RCL1: variants seen among roughly 807,000 people sequenced by gnomAD.
RCL1 encodes the protein RNA 3'-terminal phosphate cyclase-like protein.
In RCL1, 24 loss-of-function variants were observed where a neutral mutation model predicts 42.4. The observed-to-expected ratio is 0.57, with a 90% CI of 0.41 to 0.80. RCL1 has a LOEUF of 0.80. Among genes scored for constraint, RCL1 ranks in the 30% least tolerant of loss-of-function variants. The probability of loss-of-function intolerance (pLI) is 0.00; values close to 1 mark genes in which losing one functional copy is unlikely to be tolerated. For synonymous variants in RCL1, 228 were observed against 177.3 expected (o/e 1.29, Z -2.27); for missense variants, 578 against 467.9 (o/e 1.24, Z -2.17).
intron 1 of RCL1, among the ~76,000 whole-genome samples, chr9:4,798,219 T>C (rs1196121977): frequency 2.0e-5 from 3 of 152,226 alleles, no homozygotes; most frequent in Non-Finnish European, 4.4e-5. Flanking sequence ...CCAAAGTGCC[T>C]CTATCTCTGG....
At chr9:4,842,057 C>A (rs1219515933) in intron 6 of RCL1, among the ~76,000 whole-genome samples, 2 of 152,212 alleles carry the variant, frequency 1.3e-5, no homozygotes, top group African/African-American at 2.4e-5. Flanking sequence ...CGGAGATATA[C>A]TCCTGCTGCC....
chr9:4,805,271 C>T (rs1271271664), intron 1 of RCL1, among the ~76,000 whole-genome samples: 1 of 152,042 alleles, frequency 6.6e-6, no homozygotes, highest in Non-Finnish European at 1.5e-5. Flanking sequence ...ACCTGTAGTC[C>T]CAGCTACTTG....
chr9:4,838,004 A>G (rs1317905749), intron 5 of RCL1, among the ~76,000 whole-genome samples: 1 of 152,142 alleles, frequency 6.6e-6, no homozygotes, highest in African/African-American at 2.4e-5. Flanking sequence ...CATTTCACAA[A>G]CACCTCAAAG....
intron 5 of RCL1, among the ~76,000 whole-genome samples, chr9:4,837,364 T>C (rs1817175170): frequency 6.6e-6 from 1 of 152,180 alleles, no homozygotes; most frequent in Non-Finnish European, 1.5e-5. Flanking sequence ...GTAATAAGTG[T>C]ATAGGAATAC....
At chr9:4,846,276 T>C (rs1434207595) in intron 7 of RCL1, among the ~76,000 whole-genome samples, 1 of 152,138 alleles carries the variant, frequency 6.6e-6, no homozygotes, top group Non-Finnish European at 1.5e-5. Context: ...TGGAAGACAG[T>C]GGACCTATAG....
chr9:4,857,931 C>CTT (rs34470773), intron 8 of RCL1, among the ~76,000 whole-genome samples: 2 of 103,048 alleles, frequency 1.9e-5, no homozygotes, highest in Non-Finnish European at 3.6e-5. Context: ...AGCTCTCCCA[C>CTT]TTTTTTTTTT....
chr9:4,793,178 C>A lies in RCL1; in HGVS notation c.87C>A (p.Pro29=), dbSNP rs144839975. Reference sequence around the variant, plus strand: ...TCCTGTCTACCCTGAGCGGGCGCCCCGTCAAAATCCGAAAGATTCGGGCCA... The same window carrying A: ...TCCTGTCTACCCTGAGCGGGCGCCCAGTCAAAATCCGAAAGATTCGGGCCA... The part of the protein sequence containing the change: ...RLVLSTLSGR[P]VKIRKIRARD... The change falls in exon 1 of 9, where the codon CCC becomes CCA. Residue 29 remains proline, a synonymous_variant. Transcript: ENST00000381750. The A allele has an allele frequency of 1.8e-4, 293 of 1,610,532 alleles. 1 individual carries two copies. In the African/African-American group the frequency reaches 2.7e-3, roughly 15 times the overall value.
At chr9:4,810,073 C>T (rs1308844030) in intron 1 of RCL1, among the ~76,000 whole-genome samples, 3 of 152,192 alleles carry the variant, frequency 2.0e-5, no homozygotes, top group African/African-American at 4.8e-5. Context: ...AGTGATCTGC[C>T]TGCTTTGGCC....
chr9:4,808,091 C>A (rs1259156705), intron 1 of RCL1, among the ~76,000 whole-genome samples: 1 of 151,766 alleles, frequency 6.6e-6, no homozygotes, highest in Non-Finnish European at 1.5e-5. Flanking sequence ...GTGCTGAGTT[C>A]TTCTTTGTCC....
At chr9:4,839,020 C>T (rs2129655348) in intron 5 of RCL1, among the ~76,000 whole-genome samples, 1 of 152,310 alleles carries the variant, frequency 6.6e-6, no homozygotes, top group Non-Finnish European at 1.5e-5. Flanking sequence ...TAGGAAATGA[C>T]AGCACAGAGA....
Position 4,860,278 on chromosome 9 carries a change from A to C in RCL1, c.*3A>C. 6.2e-7 allele frequency: 1 copy of C among 1,612,104 alleles called. No homozygotes were observed. Among genetic ancestry groups the C allele is most frequent in the Non-Finnish European group, 8.5e-7 (1 of 1,179,350 alleles). ...ACCTTAGCAAGACCCTCAAGTGATA[A>C]CCATCACAAGATAAGGCCCCAATGC... On this transcript the variant is annotated 3_prime_UTR_variant, in exon 9 of 9. Coordinates refer to ENST00000381750, the MANE Select transcript of RCL1 (RefSeq NM_005772.5).
intron 7 of RCL1, among the ~76,000 whole-genome samples, chr9:4,847,640 A>G (rs539169892): frequency 3.2e-4 from 48 of 152,204 alleles, no homozygotes; most frequent in Non-Finnish European, 5.9e-4. Flanking sequence ...TTCAGGCTAA[A>G]ATACTGATCT....
rs949054643 is a variant in RCL1 at position 4,827,085 on chromosome 9, A to G, written c.384+52A>G. On this transcript the variant is annotated intron_variant, in intron 3 of 8. Transcript: ENST00000381750. ...TGGTTTTTGTTTTGTCTCTTGTCAC[A>G]ACCCAACTTGTGAGAAAAAAGTTCC... 2.5e-6 allele frequency: 4 copies of G among 1,611,874 alleles called. No homozygotes were observed. In the African/African-American group the frequency reaches 5.3e-5, roughly 22 times the overall value.
intron 8 of RCL1, 121 bp downstream of exon 8, chr9:4,849,671 C>T (rs776795295): frequency 2.9e-6 from 2 of 684,610 alleles, no homozygotes; most frequent in African/African-American, 1.8e-5. Context: ...TGTTTATCCT[C>T]AAATCAGCCA....
intron 5 of RCL1, among the ~76,000 whole-genome samples, chr9:4,836,407 C>G (rs1587720560): frequency 6.6e-6 from 1 of 152,160 alleles, no homozygotes; most frequent in Non-Finnish European, 1.5e-5. Context: ...GGATGAGAAA[C>G]TTTAACAGGC....
chr9:4,838,502 G>A (rs1162389522), intron 5 of RCL1, among the ~76,000 whole-genome samples: 1 of 152,208 alleles, frequency 6.6e-6, no homozygotes, highest in African/African-American at 2.4e-5. Flanking sequence ...GGATAAGTTG[G>A]AATTCGTGGG....
rs117125693 is a variant in RCL1 at position 4,841,496 on chromosome 9, C to T, written c.710+139C>T. The T allele has an allele frequency of 1.8e-4, 125 of 705,542 alleles. 1 individual carries two copies. Among genetic ancestry groups the T allele is most frequent in the East Asian group, 1.3e-3 (51 of 38,662 alleles). 43.7% of individuals were successfully genotyped at this position (705,542 alleles called of 1,614,324 possible). A position where few individuals can be genotyped will look rare whatever the true frequency, so the allele number is the denominator to read the frequency against. Reference sequence around the variant, plus strand: ...AATTAATTTCTTTCTGCCTTATTGCCGTTGTCACCAACAGGCATTTCTTGA... The same window carrying T: ...AATTAATTTCTTTCTGCCTTATTGCTGTTGTCACCAACAGGCATTTCTTGA... On this transcript the variant is annotated intron_variant, in intron 6 of 8. Transcript: ENST00000381750.
chr9:4,793,314 T>G, intron 1 of RCL1, 87 bp downstream of exon 1: 4 of 1,336,000 alleles, frequency 3.0e-6, no homozygotes, highest in African/African-American at 1.6e-5. Flanking sequence ...CGGTGTTGGT[T>G]GGGCGGCTCG....
intron 3 of RCL1, among the ~76,000 whole-genome samples, chr9:4,831,983 A>G (rs545023361): frequency 1.3e-5 from 2 of 152,310 alleles, no homozygotes; most frequent in Admixed American, 1.3e-4. Context: ...GGCTTTTCCT[A>G]TGCCTTCTGT....
Sources: gnomAD v4.1 joint callset for allele counts (sites outside exome capture counted in the v4.1 genomes callset) on GRCh38, gnomAD v4.1.1 for gene constraint, MANE v1.5 for transcripts, NCBI Gene and HGNC (gene_info 2026-07-23, HGNC 2026-07-21) for gene names.